Variants in ABCB11 observed in about 807,000 individuals in gnomAD.
ABCB11 encodes the protein bile salt export pump.
In ABCB11, 95 loss-of-function variants were observed where a neutral mutation model predicts 148.0. The ratio of observed to expected loss-of-function variants is 0.64; its 90% CI spans 0.54 to 0.76. The LOEUF is 0.76. Ranked by LOEUF, ABCB11 falls within the 30% of genes least tolerant of loss-of-function variation. The pLI is 0.00. For synonymous variants in ABCB11, 591 were observed against 555.4 expected (o/e 1.06, Z -0.90); for missense variants, 1,523 against 1,617.8 (o/e 0.94, Z 1.01).
chr2:169,008,796 T>C (rs1573972196), intron 5 of ABCB11, among the ~76,000 whole-genome samples: 2 of 152,160 alleles, frequency 1.3e-5, no homozygotes, highest in South Asian at 4.1e-4. Context: ...CTTAGACATG[T>C]ACCCAAGAGA....
intron 5 of ABCB11, among the ~76,000 whole-genome samples, chr2:169,012,920 A>T (rs754360914): frequency 6.6e-6 from 1 of 151,782 alleles, no homozygotes; most frequent in African/African-American, 2.4e-5. Context: ...GGTGGGGGGG[A>T]AAAATAGAAC....
At chr2:168,973,664 A>G in intron 13 of ABCB11, 51 bp downstream of exon 13, 8 of 1,599,156 alleles carry the variant, frequency 5.0e-6, no homozygotes, top group Non-Finnish European at 6.8e-6. Context: ...ATATACTGCC[A>G]TTTGCACTTT....
At position 169,027,621 on chromosome 2, in the gene ABCB11, A is replaced by G. The variant is rs536884273; in HGVS notation, c.-28+3604T>C. ...ATCAGCTAGATGGTCACTTGAGAGAACCTAGTACTTTGACTGACCTTAAAA... is the reference window on the plus strand; with the variant it reads ...ATCAGCTAGATGGTCACTTGAGAGAGCCTAGTACTTTGACTGACCTTAAAA... On this transcript the variant is annotated intron_variant, in intron 1 of 27. Transcript: ENST00000650372. Among the ~76,000 whole-genome samples the G allele has an allele frequency of 2.4e-4, 36 of 152,304 alleles. 1 individual carries two copies. Among genetic ancestry groups the G allele is most frequent in the Admixed American group, 4.6e-4 (7 of 15,296 alleles).
At chr2:168,973,341 A>G (rs1693676877) in intron 13 of ABCB11, among the ~76,000 whole-genome samples, 1 of 152,082 alleles carries the variant, frequency 6.6e-6, no homozygotes. Flanking sequence ...ATTACTAAAT[A>G]TCAATCATTT....
Position 169,016,790 on chromosome 2 carries a change from T to C in ABCB11, c.86A>G (p.Asp29Gly), listed in dbSNP as rs776204688. The change falls in exon 3 of 28, where the codon GAT (aspartate) becomes GGT (glycine). Residue 29 changes from aspartate to glycine, a missense_variant. Coordinates refer to ENST00000650372, the MANE Select transcript of ABCB11 (RefSeq NM_003742.4). Reference protein sequence around the residue: ...GFESDKSYNNDKKSRLQDEKK... With the variant: ...GFESDKSYNNGKKSRLQDEKK... ...ATCAGTCACTTACCTTGATTTCTTA[T>C]CATTATTATCTGTCAGAAAAAAAAA... 4 of 1,594,666 alleles carry C rather than the reference T, an allele frequency of 2.5e-6. No individual in the cohort carries two copies. Among genetic ancestry groups the C allele is most frequent in the Middle Eastern group, 1.7e-4 (1 of 6,032 alleles).
rs377170187 is a variant in ABCB11 at position 169,018,065 on chromosome 2, C to G, written c.61G>C (p.Glu21Gln). The change falls in exon 2 of 28, where the codon GAG becomes CAG. Residue 21 changes from glutamate (E) to glutamine (Q), a missense_variant. Coordinates refer to ENST00000650372, the MANE Select transcript of ABCB11 (RefSeq NM_003742.4). Reference sequence around the variant, plus strand: ...AGCCACTCACATGATTTATCTGACTCAAAACCATCATTCTCCTCTCCAAAT... The same window carrying G: ...AGCCACTCACATGATTTATCTGACTGAAAACCATCATTCTCCTCTCCAAAT... ...KKFGEENDGF[E>Q]SDKSYNNDKK... The G allele has an allele frequency of 3.1e-6, 5 of 1,613,426 alleles. No homozygotes were observed. Among genetic ancestry groups the G allele is most frequent in the Non-Finnish European group, 1.7e-6 (2 of 1,179,536 alleles).
chr2:168,950,861 G>A (rs1018129413), intron 19 of ABCB11, among the ~76,000 whole-genome samples: 1 of 151,718 alleles, frequency 6.6e-6, no homozygotes, highest in Non-Finnish European at 1.5e-5. Context: ...CTAAGCAAAT[G>A]TCCAGAAGAG....
intron 21 of ABCB11, among the ~76,000 whole-genome samples, chr2:168,937,616 T>C (rs1217302407): frequency 6.6e-6 from 1 of 152,270 alleles, no homozygotes; most frequent in Non-Finnish European, 1.5e-5. Flanking sequence ...TGTCAAGTAC[T>C]GATGCATTTG....
chr2:168,956,271 C>G (rs1392977251), intron 19 of ABCB11, among the ~76,000 whole-genome samples: 1 of 151,650 alleles, frequency 6.6e-6, no homozygotes, highest in Non-Finnish European at 1.5e-5. Flanking sequence ...CCACCAGGTT[C>G]TTCCTTCAAC....
In ABCB11 at chr2:168,950,128, CAT is replaced by C. The variant is rs199752613; in HGVS notation, c.2344-5169_2344-5168del. 4.7e-3 allele frequency among the ~76,000 whole-genome samples: 694 copies of C among 146,388 alleles called. 9 individuals carry two copies. Among genetic ancestry groups the C allele is most frequent in the East Asian group, 0.044 (216 of 4,920 alleles). Reference sequence around the variant, plus strand: ...AAAATGATATATATCCTATTACTCCCATATATATATATACACACACACACACA... The same window carrying C: ...AAAATGATATATATCCTATTACTCCCATATATATATACACACACACACACA... On this transcript the variant is annotated intron_variant, in intron 19 of 27. Coordinates refer to ENST00000650372, the MANE Select transcript of ABCB11 (RefSeq NM_003742.4).
At chr2:168,991,061 G>T in intron 8 of ABCB11, 136 bp from the exon 9 acceptor site, 2 of 1,111,098 alleles carry the variant, frequency 1.8e-6, no homozygotes, top group Non-Finnish European at 2.5e-6. Context: ...TTGACAGGAG[G>T]AAGAAATCTG....
Position 168,971,968 on chromosome 2 carries a change from A to G in ABCB11, c.1517T>C (p.Val506Ala). ...DQIGIVEQEP[V>A]LFSTTIAENI... Reference sequence around the variant, plus strand: ...TTCTGCAATGGTGGTAGAGAACAGAACTGGCTCTTGCTCCACTATCCCAAT... The same window carrying G: ...TTCTGCAATGGTGGTAGAGAACAGAGCTGGCTCTTGCTCCACTATCCCAAT... The change falls in exon 14 of 28, where the codon GTT becomes GCT. Residue 506 changes from valine (V) to alanine (A), a missense_variant. By Grantham distance (64) the Val-to-Ala change is moderately conservative (BLOSUM62 0). Transcript: ENST00000650372. The G allele has an allele frequency of 5.6e-6, 9 of 1,613,036 alleles. No individual in the cohort carries two copies. Among genetic ancestry groups the G allele is most frequent in the Non-Finnish European group, 7.6e-6 (9 of 1,179,394 alleles).
chr2:169,011,367 CA>C (rs1695182682), intron 5 of ABCB11, among the ~76,000 whole-genome samples: 1 of 152,130 alleles, frequency 6.6e-6, no homozygotes, highest in South Asian at 2.1e-4. Flanking sequence ...AAAAGCAGTT[CA>C]CTTCTGTCCT....
chr2:168,980,014 T>C (rs1416784686), intron 10 of ABCB11, 35 bp from the exon 11 acceptor site: 1 of 1,293,806 alleles, frequency 7.7e-7, no homozygotes, highest in African/African-American at 1.5e-5. Flanking sequence ...TCATGTGTTT[T>C]TGTTAATGTG....
chr2:168,982,410 C>G (rs370350402), intron 10 of ABCB11, among the ~76,000 whole-genome samples: 1 of 152,086 alleles, frequency 6.6e-6, no homozygotes, highest in Non-Finnish European at 1.5e-5. Flanking sequence ...GTGCTTGACA[C>G]TTTGTATATA....
intron 23 of ABCB11, among the ~76,000 whole-genome samples, chr2:168,934,309 A>T (rs1040282252): frequency 6.6e-6 from 1 of 152,086 alleles, no homozygotes; most frequent in African/African-American, 2.4e-5. Context: ...ACTCATGGCT[A>T]GAGAAGGAAA....
At position 168,924,424 on chromosome 2, in the gene ABCB11, T is replaced by C. The variant is rs542530912; in HGVS notation, c.3765+233A>G. Among the ~76,000 whole-genome samples the C allele has an allele frequency of 4.6e-5, 7 of 152,314 alleles. No individual in the cohort carries two copies. In the East Asian group the frequency reaches 1.2e-3, roughly 25 times the overall value. On this transcript the variant is annotated intron_variant, in intron 27 of 27. Transcript: ENST00000650372. ...TTTGCCTTTGGAAAAAAATGTCACTTAGCCTAAAGAATCTTAAAAACAATT... is the reference window on the plus strand; with the variant it reads ...TTTGCCTTTGGAAAAAAATGTCACTCAGCCTAAAGAATCTTAAAAACAATT...
intron 1 of ABCB11, among the ~76,000 whole-genome samples, chr2:169,020,954 C>G (rs1332364682): frequency 6.6e-6 from 1 of 151,360 alleles, no homozygotes; most frequent in African/African-American, 2.4e-5. Context: ...TTTTTAAAGT[C>G]AAGACATACA....
chr2:168,970,160 TG>T lies in ABCB11; in HGVS notation c.1693del (p.Gln565LysfsTer3). On this transcript the variant is annotated frameshift_variant, in exon 15 of 28. Coordinates refer to ENST00000650372, the MANE Select transcript of ABCB11 (RefSeq NM_003742.4). LOFTEE classifies it high-confidence loss of function. ...GAGGGCTCTGGCGATAGCTACCCTTTGTTTCTGGCCACCACTCATCTGGCCT... is the reference window on the plus strand; with the variant it reads ...GAGGGCTCTGGCGATAGCTACCCTTTTTTCTGGCCACCACTCATCTGGCCT... ...GGGQMSGGQK[Q>X]RVAIARALIR... 6.2e-7 allele frequency: 1 copy of T among 1,612,830 alleles called. No homozygotes were observed. The highest frequency in any genetic ancestry group is 8.5e-7 in the Non-Finnish European group (1 of 1,179,276).
Sources: gnomAD v4.1 joint callset for allele counts (sites outside exome capture counted in the v4.1 genomes callset) on GRCh38, gnomAD v4.1.1 for gene constraint, MANE v1.5 for transcripts, NCBI Gene and HGNC (gene_info 2026-07-23, HGNC 2026-07-21) for gene names.